The following GLTP variants were observed in gnomAD, a reference collection of about 807,000 sequenced individuals.
GLTP encodes glycolipid transfer protein.
A neutral mutation model predicts 24.0 loss-of-function variants in GLTP; 22 were observed. The ratio of observed to expected loss-of-function variants is 0.92; its 90% CI spans 0.65 to 1.31. The LOEUF is 1.31. Among genes scored for constraint, GLTP ranks in the 50% most tolerant of loss-of-function variants. The probability of loss-of-function intolerance (pLI) is 0.00; values close to 1 mark genes in which losing one functional copy is unlikely to be tolerated. For synonymous variants in GLTP, 92 were observed against 115.9 expected (o/e 0.79, Z 1.33); for missense variants, 224 against 276.6 (o/e 0.81, Z 1.35).
intron 1 of GLTP, among the ~76,000 whole-genome samples, chr12:109,871,065 A>G (rs1868703990): frequency 6.7e-6 from 1 of 148,980 alleles, no homozygotes; most frequent in African/African-American, 2.5e-5. Flanking sequence ...TAAGACTAGG[A>G]CCCAACATTT....
intron 1 of GLTP, among the ~76,000 whole-genome samples, chr12:109,864,596 A>G (rs1868465429): frequency 6.6e-6 from 1 of 152,208 alleles, no homozygotes; most frequent in Non-Finnish European, 1.5e-5. Context: ...AAGGACATCA[A>G]GTCACAGAAA....
At chr12:109,878,611 A>C (rs1260480677) in intron 1 of GLTP, among the ~76,000 whole-genome samples, 7 of 152,190 alleles carry the variant, frequency 4.6e-5, no homozygotes, top group Non-Finnish European at 7.3e-5. Context: ...AGCAAAAAAA[A>C]AACAACAACA....
At chr12:109,859,311 G>C (rs1173495792) in intron 1 of GLTP, among the ~76,000 whole-genome samples, 2 of 152,220 alleles carry the variant, frequency 1.3e-5, no homozygotes, top group Non-Finnish European at 2.9e-5. Flanking sequence ...CTTGAAGTCA[G>C]GAGTTCAAGA....
intron 4 of GLTP, among the ~76,000 whole-genome samples, chr12:109,853,293 C>T (rs1003381806): frequency 5.3e-5 from 8 of 152,026 alleles, no homozygotes; most frequent in African/African-American, 9.6e-5. Flanking sequence ...CTTAGGGGGG[C>T]GATACTTCCC....
intron 1 of GLTP, among the ~76,000 whole-genome samples, chr12:109,868,665 C>T (rs1592892759): frequency 6.6e-6 from 1 of 152,178 alleles, no homozygotes; most frequent in South Asian, 2.1e-4. Context: ...ATGCCCGTGT[C>T]GTGATGCTAC....
Position 109,855,650 on chromosome 12 carries a change from T to C in GLTP, c.416A>G (p.Tyr139Cys). ...TKAYEMALKK[Y>C]HGWIVQKIFQ... ...GATCTTCTGCACGATCCAGCCATGG[T>C]ACTTCTTGAGGGCCATCTCGTAGGC... The change falls in exon 4 of 5, where the codon TAC becomes TGC. Residue 139 changes from tyrosine to cysteine, a missense_variant. Coordinates refer to ENST00000318348, the MANE Select transcript of GLTP (RefSeq NM_016433.4). The surrounding 1 kb of genome is among the most constrained non-coding windows in gnomAD (Gnocchi z 4.1). 1 of 1,594,898 alleles carries C rather than the reference T, an allele frequency of 6.3e-7. No individual in the cohort carries two copies. The highest frequency in any genetic ancestry group is 8.5e-7 in the Non-Finnish European group (1 of 1,170,710).
At chr12:109,870,774 G>A (rs1868695820) in intron 1 of GLTP, among the ~76,000 whole-genome samples, 1 of 152,160 alleles carries the variant, frequency 6.6e-6, no homozygotes, top group African/African-American at 2.4e-5. Flanking sequence ...GATCTCAGAA[G>A]GGAGTGAAGT....
intron 2 of GLTP, 45 bp downstream of exon 2, chr12:109,858,638 T>A: frequency 6.8e-7 from 1 of 1,475,374 alleles, no homozygotes; most frequent in Non-Finnish European, 9.5e-7. Flanking sequence ...GGGCTTAGAT[T>A]CCTAACGCAA....
intron 2 of GLTP, chr12:109,858,039 C>A (rs1043116337): frequency 4.6e-6 from 2 of 438,348 alleles, no homozygotes; most frequent in Admixed American, 2.6e-5. Flanking sequence ...CTTTGGTGGA[C>A]AAGTGGAAAT....
intron 3 of GLTP, among the ~76,000 whole-genome samples, chr12:109,856,490 C>G (rs1025694090): frequency 1.3e-5 from 2 of 152,278 alleles, no homozygotes; most frequent in Admixed American, 1.3e-4. Flanking sequence ...GAGGAAAGCA[C>G]TGAGGCTCCC....
intron 1 of GLTP, among the ~76,000 whole-genome samples, chr12:109,874,087 G>A (rs1252855196): frequency 1.3e-5 from 2 of 152,122 alleles, no homozygotes; most frequent in African/African-American, 4.8e-5. Flanking sequence ...CTCCACTGGG[G>A]GTCTTCTCCT....
intron 1 of GLTP, among the ~76,000 whole-genome samples, chr12:109,866,835 T>C (rs993718981): frequency 3.3e-5 from 5 of 151,102 alleles, no homozygotes; most frequent in Non-Finnish European, 7.4e-5. Flanking sequence ...TCATGGCTCA[T>C]TGTAGTCTGG....
At chr12:109,856,569 C>A (rs987176298) in intron 3 of GLTP, among the ~76,000 whole-genome samples, 1 of 152,150 alleles carries the variant, frequency 6.6e-6, no homozygotes, top group Non-Finnish European at 1.5e-5. Flanking sequence ...CAGGCTCTTT[C>A]CTTTGCTGCC....
Position 109,858,714 on chromosome 12 carries a change from G to A in GLTP, c.131C>T (p.Pro44Leu). The A allele has an allele frequency of 6.2e-7, 1 of 1,612,542 alleles. No individual in the cohort carries two copies. The highest frequency in any genetic ancestry group is 8.5e-7 in the Non-Finnish European group (1 of 1,178,608). Reference protein sequence around the residue: ...FDCLGSPVFTPIKADISGNIT... With the variant: ...FDCLGSPVFTLIKADISGNIT... ...GTTGCCGCTTATGTCTGCCTTGATG[G>A]GAGTAAACACTGGGGACCCAAGGCA... Residue 44 changes from proline to leucine, a missense_variant, in exon 2 of 5, where the codon CCC becomes CTC. By Grantham distance (98) the Pro-to-Leu change is moderately conservative. Transcript: ENST00000318348.
rs781157892 is a variant in GLTP at position 109,857,542 on chromosome 12, G to A, written c.280C>T (p.Leu94=). 1.9e-6 allele frequency: 3 copies of A among 1,613,550 alleles called. No individual in the cohort carries two copies. Among genetic ancestry groups the A allele is most frequent in the Non-Finnish European group, 2.5e-6 (3 of 1,180,026 alleles). ...GCCCATCACCTTTTCAGCCACATCA[G>A]CGCCAGTGTGGCCCCTACTTTGGGC... ...EWPKVGATLA[L]MWLKRGLRFI... The change falls in exon 3 of 5, where the codon CTG becomes TTG. Residue 94 remains leucine (L), a synonymous_variant. Transcript: ENST00000318348. This position sits in a 1 kb window ranked among gnomAD's most constrained non-coding sequence, Gnocchi z 4.3.
rs1455119492 is a variant in GLTP, at chr12:109,857,939, G to A, written c.163-280C>T. 11 of 474,824 alleles carry A rather than the reference G, an allele frequency of 2.3e-5. No homozygotes were observed. Among genetic ancestry groups the A allele is most frequent in the African/African-American group, 7.9e-5 (4 of 50,910 alleles). The allele number at this position is 474,824 out of a possible 1,614,324, so 29.4% of individuals were successfully genotyped here. ...GACACTGAGGCTCACAGAGGAGCAC[G>A]GACTTGCCCAAGGTCACACAGTTGG... On this transcript the variant is annotated intron_variant, in intron 2 of 4. Transcript: ENST00000318348. This position sits in a 1 kb window ranked among gnomAD's most constrained non-coding sequence, Gnocchi z 4.3.
At position 109,855,686 on chromosome 12, in the gene GLTP, T is replaced by A; in HGVS notation, c.380A>T (p.Asn127Ile). Residue 127 changes from asparagine (N) to isoleucine (I), a missense_variant, in exon 4 of 5, where the codon AAC (asparagine) becomes ATC (isoleucine). By Grantham distance (149) the Asn-to-Ile change is moderately radical. Coordinates refer to ENST00000318348, the MANE Select transcript of GLTP (RefSeq NM_016433.4). This position sits in a 1 kb window ranked among gnomAD's most constrained non-coding sequence, Gnocchi z 4.1. ...DENHPNLIRV[N>I]ATKAYEMALK... ...GGCCATCTCGTAGGCCTTGGTGGCG[T>A]TGACACGGATGAGGTTGGGGTGGTT... is the stretch of plus-strand genomic sequence containing the variant. The A allele has an allele frequency of 6.2e-7, 1 of 1,608,390 alleles. No individual in the cohort carries two copies. Among genetic ancestry groups the A allele is most frequent in the Non-Finnish European group, 8.5e-7 (1 of 1,177,588 alleles).
chr12:109,865,186 A>G (rs1466375939), intron 1 of GLTP, among the ~76,000 whole-genome samples: 2 of 152,156 alleles, frequency 1.3e-5, no homozygotes, highest in Non-Finnish European at 2.9e-5. Context: ...TTGTCAGCAA[A>G]CAGCCTCTTT....
intron 3 of GLTP, among the ~76,000 whole-genome samples, chr12:109,856,762 T>G (rs538517288): frequency 6.6e-6 from 1 of 152,302 alleles, no homozygotes; most frequent in African/African-American, 2.4e-5. Context: ...TTGTGCAAAT[T>G]AGAACTCCTC....
Sources: allele counts gnomAD v4.1 joint callset (sites outside exome capture counted in the v4.1 genomes callset), GRCh38; gene constraint gnomAD v4.1.1; non-coding constraint Gnocchi (gnomAD v3.1); transcripts MANE v1.5; gene names NCBI Gene and HGNC (gene_info 2026-07-23, HGNC 2026-07-21).